CCDC170: variants seen among roughly 807,000 people sequenced by gnomAD.
CCDC170 encodes coiled-coil domain containing 170.
CCDC170 carries 69 observed loss-of-function variants against 72.6 expected under a neutral mutation model. The observed-to-expected ratio is 0.95, with a 90% CI of 0.78 to 1.16. The LOEUF is 1.16. Among genes scored for constraint, CCDC170 ranks in the 50% most tolerant of loss-of-function variants. The probability of loss-of-function intolerance (pLI) is 0.00; values close to 1 mark genes in which losing one functional copy is unlikely to be tolerated. For synonymous variants in CCDC170, 300 were observed against 303.9 expected (o/e 0.99, Z 0.13); for missense variants, 852 against 832.5 (o/e 1.02, Z -0.29).
intron 1 of CCDC170, among the ~76,000 whole-genome samples, chr6:151,496,814 G>GT (rs1463738066): frequency 2.0e-5 from 3 of 152,160 alleles, no homozygotes; most frequent in Non-Finnish European, 4.4e-5. Flanking sequence ...CAGCATTTTA[G>GT]TTTTTTCTTC....
chr6:151,532,472 T>C (rs1480946375), intron 1 of CCDC170, among the ~76,000 whole-genome samples: 2 of 151,980 alleles, frequency 1.3e-5, no homozygotes, highest in South Asian at 2.1e-4. Context: ...CCAGGTGTCA[T>C]AGCACATGCC....
chr6:151,546,148 A>G (rs1782769147), intron 4 of CCDC170, among the ~76,000 whole-genome samples: 1 of 152,110 alleles, frequency 6.6e-6, no homozygotes, highest in Admixed American at 6.5e-5. Context: ...TCCTCTCTGA[A>G]AGCCGCAAGA....
intron 7 of CCDC170, among the ~76,000 whole-genome samples, chr6:151,589,397 A>G (rs1776501834): frequency 6.6e-6 from 1 of 152,200 alleles, no homozygotes; most frequent in African/African-American, 2.4e-5. Flanking sequence ...GTGAACACCA[A>G]AATACACTCA....
intron 5 of CCDC170, among the ~76,000 whole-genome samples, chr6:151,557,912 A>G (rs2115069196): frequency 6.6e-6 from 1 of 152,286 alleles, no homozygotes; most frequent in South Asian, 2.1e-4. Context: ...CAGCCTGGCC[A>G]ACATGGCCAA....
At position 151,548,461 on chromosome 6, in the gene CCDC170, G is replaced by A. The variant is rs372804729; in HGVS notation, c.746G>A (p.Cys249Tyr). The A allele has an allele frequency of 3.0e-5, 48 of 1,585,042 alleles. 1 individual carries two copies. The East Asian group carries it at 3.1e-4, about 10-fold the overall frequency. ...AGAGAGCAGAAAAAAGCTGCCTCCT[G>A]TACTGAAGAGAAAGAGAAGCTGAAC... ...VNREQKKAASCTEEKEKLNQD... is the reference protein window; with the variant it reads ...VNREQKKAASYTEEKEKLNQD... Residue 249 changes from cysteine to tyrosine, a missense_variant, in exon 5 of 11, where the codon TGT becomes TAT. Cys to Tyr is a radical substitution (Grantham distance 194). Transcript: ENST00000239374.
At chr6:151,605,821 C>T (rs1243452988) in intron 9 of CCDC170, among the ~76,000 whole-genome samples, 1 of 151,656 alleles carries the variant, frequency 6.6e-6, no homozygotes, top group Non-Finnish European at 1.5e-5. Context: ...TGGTGATAAT[C>T]TTGGTGCTGT....
chr6:151,525,828 T>C (rs1426625234), intron 1 of CCDC170, among the ~76,000 whole-genome samples: 3 of 152,178 alleles, frequency 2.0e-5, no homozygotes, highest in African/African-American at 7.2e-5. Flanking sequence ...CATATAAAAT[T>C]AGAAGTAGGA....
intron 3 of CCDC170, among the ~76,000 whole-genome samples, chr6:151,540,373 C>CTTTTTTCT (rs1782668968): frequency 2.6e-5 from 1 of 37,952 alleles, no homozygotes; most frequent in Non-Finnish European, 4.9e-5. Context: ...TCTGCTGCTG[C>CTTTTTTCT]TTTTTTTTTT....
intron 1 of CCDC170, among the ~76,000 whole-genome samples, chr6:151,535,476 T>G (rs1782560867): frequency 6.6e-6 from 1 of 152,230 alleles, no homozygotes; most frequent in South Asian, 2.1e-4. Context: ...GTTATGAGAC[T>G]GAGTATAAAA....
intron 1 of CCDC170, among the ~76,000 whole-genome samples, chr6:151,501,319 G>GA (rs545546196): frequency 0.013 from 1,943 of 149,896 alleles, 34 homozygotes; most frequent in African/African-American, 0.038. Context: ...GGACATTAGT[G>GA]AAAAAAAAAC....
At chr6:151,567,281 A>G (rs2115081218) in intron 5 of CCDC170, among the ~76,000 whole-genome samples, 1 of 152,336 alleles carries the variant, frequency 6.6e-6, no homozygotes, top group South Asian at 2.1e-4. Context: ...AATCTAACAG[A>G]GGTTTGTTGA....
chr6:151,542,611 G>A (rs183520698), intron 3 of CCDC170, among the ~76,000 whole-genome samples: 2 of 152,196 alleles, frequency 1.3e-5, no homozygotes, highest in Non-Finnish European at 2.9e-5. Flanking sequence ...CAGGCTCTTA[G>A]GTTAGTTCCA....
chr6:151,507,142 G>A (rs1348200112), intron 1 of CCDC170, among the ~76,000 whole-genome samples: 1 of 152,148 alleles, frequency 6.6e-6, no homozygotes, highest in East Asian at 1.9e-4. Flanking sequence ...AGAGGGCAGG[G>A]TATAGCTAGG....
chr6:151,579,164 T>A (rs767829839), intron 6 of CCDC170, among the ~76,000 whole-genome samples: 2 of 152,046 alleles, frequency 1.3e-5, no homozygotes, highest in Non-Finnish European at 2.9e-5. Flanking sequence ...ATATCAGGTA[T>A]ATGTTAAGAA....
intron 1 of CCDC170, among the ~76,000 whole-genome samples, chr6:151,530,521 A>T (rs917579033): frequency 5.9e-5 from 9 of 151,646 alleles, no homozygotes; most frequent in African/African-American, 2.2e-4. Flanking sequence ...GGCTCACTGC[A>T]ACCTCTGCCT....
chr6:151,579,566 A>C (rs1175016244), intron 6 of CCDC170, among the ~76,000 whole-genome samples: 2 of 152,140 alleles, frequency 1.3e-5, no homozygotes, highest in Non-Finnish European at 2.9e-5. Context: ...GCTGAGTCTC[A>C]AGGCTCTGTA....
intron 7 of CCDC170, 114 bp downstream of exon 7, chr6:151,586,203 G>A: frequency 9.7e-7 from 1 of 1,028,152 alleles, no homozygotes; most frequent in Non-Finnish European, 1.4e-6. Context: ...GGACTTAATT[G>A]GTTAAGTCAA....
intron 6 of CCDC170, 35 bp from the exon 7 acceptor site, chr6:151,585,854 C>G: frequency 6.3e-7 from 1 of 1,599,488 alleles, no homozygotes; most frequent in African/African-American, 1.3e-5. Flanking sequence ...GCATCTGAAA[C>G]AAGGCTTATT....
intron 5 of CCDC170, among the ~76,000 whole-genome samples, chr6:151,554,230 C>T (rs558281294): frequency 0.017 from 2,544 of 152,272 alleles, 80 homozygotes; most frequent in African/African-American, 0.058. Context: ...GTCATTTTGC[C>T]TGGGCAAGCC....
Sources: allele counts gnomAD v4.1 joint callset (sites outside exome capture counted in the v4.1 genomes callset), GRCh38; gene constraint gnomAD v4.1.1; transcripts MANE v1.5; gene names NCBI Gene and HGNC (gene_info 2026-07-23, HGNC 2026-07-21).